The following ALCAM variants were observed in gnomAD, a reference collection of about 807,000 sequenced individuals.
The protein encoded by ALCAM is activated leukocyte cell adhesion molecule.
Under a neutral mutation model 70.9 loss-of-function variants are expected in ALCAM, and 30 were observed. The ratio of observed to expected loss-of-function variants is 0.42; its 90% confidence interval spans 0.32 to 0.57. The LOEUF (loss-of-function observed/expected upper bound fraction) is 0.57. Ranked by LOEUF, ALCAM falls within the 20% of genes least tolerant of loss-of-function variation. ALCAM has a pLI of 0.11. For synonymous variants in ALCAM, 249 were observed against 242.5 expected (o/e 1.03, Z -0.25); for missense variants, 591 against 695.1 (o/e 0.85, Z 1.68).
chr3:105,550,820 A>C (rs1485350224), intron 12 of ALCAM, among the ~76,000 whole-genome samples: 1 of 151,666 alleles, frequency 6.6e-6, no homozygotes, highest in African/African-American at 2.4e-5. Flanking sequence ...GCCGAAAATC[A>C]GATAAGTGAA....
intron 1 of ALCAM, among the ~76,000 whole-genome samples, chr3:105,418,020 T>G (rs2107409141): frequency 6.6e-6 from 1 of 151,974 alleles, no homozygotes; most frequent in East Asian, 1.9e-4. Context: ...ATTGTCCTTT[T>G]GCTGATTGAT....
intron 1 of ALCAM, among the ~76,000 whole-genome samples, chr3:105,435,465 C>G (rs774285572): frequency 5.9e-5 from 9 of 152,210 alleles, no homozygotes; most frequent in Non-Finnish European, 1.3e-4. Context: ...TCATATGACT[C>G]AATGTCAGCA....
At chr3:105,441,885 A>T (rs1297028023) in intron 1 of ALCAM, among the ~76,000 whole-genome samples, 1 of 152,190 alleles carries the variant, frequency 6.6e-6, no homozygotes, top group Non-Finnish European at 1.5e-5. Flanking sequence ...GCATTTTTTC[A>T]AAGAGTTACC....
At chr3:105,508,026 T>TCTAGTCATGAATAG in intron 1 of ALCAM, among the ~76,000 whole-genome samples, 1 of 152,272 alleles carries the variant, frequency 6.6e-6, no homozygotes, top group Middle Eastern at 3.4e-3. Flanking sequence ...TTCTTGAATA[T>TCTAGTCATGAATAG]TCATGATTTT....
chr3:105,459,302 A>T (rs147668679), intron 1 of ALCAM, among the ~76,000 whole-genome samples: 1 of 152,174 alleles, frequency 6.6e-6, no homozygotes, highest in East Asian at 1.9e-4. Flanking sequence ...AGAGATAGAG[A>T]CTTTGTTTTG....
At chr3:105,530,942 A>G (rs1271503626) in intron 3 of ALCAM, among the ~76,000 whole-genome samples, 2 of 152,072 alleles carry the variant, frequency 1.3e-5, no homozygotes, top group African/African-American at 4.8e-5. Flanking sequence ...TAATAATTAT[A>G]CAAAAGCCAA....
chr3:105,414,073 T>G (rs1452511121), intron 1 of ALCAM, among the ~76,000 whole-genome samples: 4 of 152,046 alleles, frequency 2.6e-5, no homozygotes, highest in African/African-American at 9.7e-5. Context: ...ACACAGAGGT[T>G]AATTTACGGT....
Position 105,390,888 on chromosome 3 carries a change from G to A in ALCAM, c.73+23407G>A, listed in dbSNP as rs758683836. ...ATTGTTTGTTTTTGTCAGGTTTGTC[G>A]AAGAGCAGATGGTTGTAGATGTGTG... is the stretch of plus-strand genomic sequence containing the variant. On this transcript the variant is annotated intron_variant, in intron 1 of 15. Transcript: ENST00000306107. 8.8e-4 allele frequency among the ~76,000 whole-genome samples: 133 copies of A among 151,840 alleles called. No homozygotes were observed. In the Middle Eastern group the frequency reaches 0.017, roughly 19 times the overall value.
rs569740628 is a variant in ALCAM, at chr3:105,538,525, C to T, written c.731-1450C>T. 1.8e-3 allele frequency among the ~76,000 whole-genome samples: 272 copies of T among 152,160 alleles called. 1 individual carries two copies. The highest frequency in any genetic ancestry group is 6.2e-3 in the African/African-American group (258 of 41,538). On this transcript the variant is annotated intron_variant, in intron 6 of 15. Transcript: ENST00000306107. ...ATGACTCTCTAATACAAAGCGGAGC[C>T]TATTGAAAAGGGAACACAGAGAAGG...
intron 1 of ALCAM, among the ~76,000 whole-genome samples, chr3:105,383,552 A>C (rs898553388): frequency 6.6e-6 from 1 of 151,730 alleles, no homozygotes; most frequent in Non-Finnish European, 1.5e-5. Flanking sequence ...AAAATTGTTC[A>C]ATTTCTTTTA....
At chr3:105,524,222 T>C in intron 2 of ALCAM, 67 bp from the exon 3 acceptor site, 4 of 1,330,798 alleles carry the variant, frequency 3.0e-6, no homozygotes, top group Non-Finnish European at 4.1e-6. Flanking sequence ...GGAAATGTTA[T>C]TTTGAATGTA....
intron 1 of ALCAM, among the ~76,000 whole-genome samples, chr3:105,426,453 G>T (rs1304292150): frequency 3.3e-5 from 5 of 151,690 alleles, no homozygotes; most frequent in Admixed American, 6.6e-5. Flanking sequence ...ATCAAATCAG[G>T]GTAATTAACA....
At chr3:105,556,597 C>G (rs183174928) in intron 14 of ALCAM, among the ~76,000 whole-genome samples, 5 of 152,056 alleles carry the variant, frequency 3.3e-5, no homozygotes, top group Non-Finnish European at 2.9e-5. Flanking sequence ...CTAAAGAGGA[C>G]TTGCCTACAA....
At chr3:105,519,795 T>G (rs1237094169) in intron 1 of ALCAM, among the ~76,000 whole-genome samples, 10 of 152,170 alleles carry the variant, frequency 6.6e-5, no homozygotes, top group Admixed American at 6.5e-4. Context: ...ATACACCACT[T>G]ACCTGTTCTC....
intron 1 of ALCAM, among the ~76,000 whole-genome samples, chr3:105,380,409 T>C (rs1259093328): frequency 6.6e-6 from 1 of 151,890 alleles, no homozygotes; most frequent in Non-Finnish European, 1.5e-5. Flanking sequence ...AAGGGAGTTA[T>C]CCACTCTGTG....
intron 14 of ALCAM, among the ~76,000 whole-genome samples, chr3:105,570,337 A>G (rs1940834750): frequency 6.6e-6 from 1 of 152,184 alleles, no homozygotes; most frequent in South Asian, 2.1e-4. Context: ...AAAAAGAATT[A>G]TATCTTTCAG....
chr3:105,466,274 T>C (rs989877119), intron 1 of ALCAM, among the ~76,000 whole-genome samples: 1 of 151,508 alleles, frequency 6.6e-6, no homozygotes, highest in Admixed American at 6.6e-5. Flanking sequence ...GCATCTTGAA[T>C]GTTCTCCAAG....
intron 1 of ALCAM, among the ~76,000 whole-genome samples, chr3:105,508,846 C>T (rs912267889): frequency 1.3e-5 from 2 of 152,010 alleles, no homozygotes. Flanking sequence ...ACAGTTGTAA[C>T]TTTGTAGCCT....
intron 1 of ALCAM, among the ~76,000 whole-genome samples, chr3:105,435,419 C>T (rs994334551): frequency 3.9e-5 from 6 of 152,192 alleles, no homozygotes; most frequent in Admixed American, 6.5e-5. Flanking sequence ...TTTCTGAGAG[C>T]ACATTATGAC....
Sources: gnomAD v4.1 joint callset for allele counts (sites outside exome capture counted in the v4.1 genomes callset) on GRCh38, gnomAD v4.1.1 for gene constraint, MANE v1.5 for transcripts, NCBI Gene and HGNC (gene_info 2026-07-23, HGNC 2026-07-21) for gene names.